NKAIN3: variants seen among roughly 807,000 people sequenced by gnomAD.
The protein encoded by NKAIN3 is sodium/potassium transporting ATPase interacting 3, also known as sodium/potassium-transporting ATPase subunit beta-1-interacting protein 3.
A neutral mutation model predicts 30.2 loss-of-function variants in NKAIN3; 25 were observed. The ratio of observed to expected loss-of-function variants is 0.83; its 90% CI spans 0.60 to 1.16. The LOEUF (loss-of-function observed/expected upper bound fraction) is 1.16. Among genes scored for constraint, NKAIN3 ranks in the 50% most tolerant of loss-of-function variants. NKAIN3 has a pLI of 0.00. For missense variants in NKAIN3, 225 were observed against 254.1 expected, an observed-to-expected ratio of 0.89 and a Z score of 0.78; for synonymous variants, 91 against 89.6, an observed-to-expected ratio of 1.02 and a Z score of -0.09.
chr8:62,491,494 C>T (rs1300701895), intron 1 of NKAIN3, among the ~76,000 whole-genome samples: 2 of 152,166 alleles, frequency 1.3e-5, no homozygotes, highest in Non-Finnish European at 2.9e-5. Flanking sequence ...ACTTTGCTAT[C>T]CTTTCCTTCT....
chr8:62,367,282 G>C, intron 1 of NKAIN3, among the ~76,000 whole-genome samples: 1 of 152,050 alleles, frequency 6.6e-6, no homozygotes, highest in Non-Finnish European at 1.5e-5. Flanking sequence ...AAAAAAATAG[G>C]GTGATGTCCC....
chr8:62,815,852 A>G (rs1368307692), intron 4 of NKAIN3, among the ~76,000 whole-genome samples: 1 of 151,848 alleles, frequency 6.6e-6, no homozygotes, highest in Non-Finnish European at 1.5e-5. Flanking sequence ...CCACTCATTG[A>G]ATCTGCTGTT....
At chr8:62,942,834 A>C (rs183169320) in intron 5 of NKAIN3, among the ~76,000 whole-genome samples, 1 of 152,302 alleles carries the variant, frequency 6.6e-6, no homozygotes, top group East Asian at 1.9e-4. Flanking sequence ...TCACATGTAG[A>C]AGAATGAAAC....
Position 62,969,831 on chromosome 8 carries a change from G to A in NKAIN3, c.*4424G>A, listed in dbSNP as rs941566937. On this transcript the variant is annotated 3_prime_UTR_variant, in exon 7 of 7. Transcript: ENST00000623646. ...TGTGATAAATAGGCCACAACTTAAG[G>A]ATATTATGCCCAAAAGTGAACTGAC... Among the ~76,000 whole-genome samples, 2 of 152,068 alleles carry A rather than the reference G, an allele frequency of 1.3e-5. No homozygotes were observed. The highest frequency in any genetic ancestry group is 2.1e-4 in the South Asian group (1 of 4,814).
intron 5 of NKAIN3, among the ~76,000 whole-genome samples, chr8:62,939,183 T>G (rs1229315167): frequency 6.6e-6 from 1 of 152,122 alleles, no homozygotes; most frequent in Non-Finnish European, 1.5e-5. Context: ...GCTTTTGCAT[T>G]AATCCAATCT....
intron 1 of NKAIN3, among the ~76,000 whole-genome samples, chr8:62,304,349 T>C (rs755013304): frequency 6.6e-6 from 1 of 150,472 alleles, no homozygotes; most frequent in Non-Finnish European, 1.5e-5. Flanking sequence ...GAAGCTGTTT[T>C]CTAATGCATA....
intron 1 of NKAIN3, among the ~76,000 whole-genome samples, chr8:62,290,520 C>T (rs1813559578): frequency 6.6e-6 from 1 of 152,108 alleles, no homozygotes; most frequent in Admixed American, 6.6e-5. Flanking sequence ...GTCTTTGGTT[C>T]TGTTTATATG....
intron 1 of NKAIN3, among the ~76,000 whole-genome samples, chr8:62,506,476 C>CTTTCTTTCTTTTTTTTTTTTTTTTTT (rs71559373): frequency 3.0e-5 from 3 of 98,438 alleles, no homozygotes; most frequent in Admixed American, 1.2e-4. Context: ...TTCTTTCTTT[C>CTTTCTTTCTTTTTTTTTTTTTTTTTT]TTTTTTTTTT....
In NKAIN3 at chr8:62,916,500, G is replaced by A. The variant is rs747148156; in HGVS notation, c.472-1953G>A. Among the ~76,000 whole-genome samples, 4 of 152,088 alleles carry A rather than the reference G, an allele frequency of 2.6e-5. No homozygotes were observed. The South Asian group carries it at 8.3e-4, about 31-fold the overall frequency. ...TGGGTTGGTAGAATACAGTTGAAAG[G>A]CAATTTTGTTTGTTCTCTCACTGTC... On this transcript the variant is annotated intron_variant, in intron 4 of 6. Transcript: ENST00000623646.
intron 1 of NKAIN3, among the ~76,000 whole-genome samples, chr8:62,256,363 G>A (rs1466637254): frequency 6.6e-6 from 1 of 152,206 alleles, no homozygotes; most frequent in Non-Finnish European, 1.5e-5. Context: ...AGGCTGCAAT[G>A]AGCTATGATC....
chr8:62,623,756 TC>T (rs1586020697), intron 3 of NKAIN3, among the ~76,000 whole-genome samples: 1 of 151,820 alleles, frequency 6.6e-6, no homozygotes, highest in East Asian at 1.9e-4. Flanking sequence ...CAGGAGGAGG[TC>T]CCAGTCTAGA....
chr8:62,631,318 C>T (rs75658907), intron 3 of NKAIN3, among the ~76,000 whole-genome samples: 1 of 152,094 alleles, frequency 6.6e-6, no homozygotes, highest in East Asian at 1.9e-4. Flanking sequence ...CCTTGCAATC[C>T]CCTCTCCACC....
chr8:62,743,740 T>C (rs1815982443), intron 3 of NKAIN3, among the ~76,000 whole-genome samples: 1 of 152,170 alleles, frequency 6.6e-6, no homozygotes, highest in Non-Finnish European at 1.5e-5. Context: ...AGATGGAGAC[T>C]ATCTCAAAAA....
rs574072586 is a variant in NKAIN3, at chr8:62,706,067, T to C, written c.274-40865T>C. On this transcript the variant is annotated intron_variant, in intron 3 of 6. Transcript: ENST00000623646. ...TGAGTATTTTATTGGGGAATCCCAA[T>C]AGTTTTTGTCTTTATCTTTTCTGCT... Among the ~76,000 whole-genome samples, 6 of 152,272 alleles carry C rather than the reference T, an allele frequency of 3.9e-5. No homozygotes were observed. In the East Asian group the frequency reaches 9.7e-4, roughly 25 times the overall value.
At chr8:62,867,127 A>C (rs1195846846) in intron 4 of NKAIN3, among the ~76,000 whole-genome samples, 1 of 151,726 alleles carries the variant, frequency 6.6e-6, no homozygotes, top group African/African-American at 2.4e-5. Flanking sequence ...AAAAGGGTAA[A>C]GAGAGTAACC....
intron 4 of NKAIN3, among the ~76,000 whole-genome samples, chr8:62,872,102 A>G (rs1236610387): frequency 6.6e-6 from 1 of 152,228 alleles, no homozygotes; most frequent in African/African-American, 2.4e-5. Context: ...TCAGTACAGT[A>G]ACTTGCTGCA....
intron 1 of NKAIN3, among the ~76,000 whole-genome samples, chr8:62,281,873 G>A (rs1813206909): frequency 6.6e-6 from 1 of 152,012 alleles, no homozygotes; most frequent in East Asian, 1.9e-4. Context: ...CATTTTATGA[G>A]TTCTGATGAC....
chr8:62,866,030 C>T (rs1449425514), intron 4 of NKAIN3, among the ~76,000 whole-genome samples: 1 of 152,090 alleles, frequency 6.6e-6, no homozygotes, highest in African/African-American at 2.4e-5. Flanking sequence ...AAAAAATAGG[C>T]TTCTCATTCT....
At chr8:62,876,929 T>C (rs150270186) in intron 4 of NKAIN3, among the ~76,000 whole-genome samples, 1 of 152,062 alleles carries the variant, frequency 6.6e-6, no homozygotes, top group Non-Finnish European at 1.5e-5. Flanking sequence ...CCGTGTTTGT[T>C]TGTTTGGAAG....
Sources: gnomAD v4.1 joint callset for allele counts (sites outside exome capture counted in the v4.1 genomes callset) on GRCh38, gnomAD v4.1.1 for gene constraint, MANE v1.5 for transcripts, NCBI Gene and HGNC (gene_info 2026-07-23, HGNC 2026-07-21) for gene names.